Variants in MCF2L2 observed in about 807,000 individuals in gnomAD.
MCF2L2 encodes MCF.2 cell line derived transforming sequence-like 2.
A neutral mutation model predicts 150.2 loss-of-function variants in MCF2L2; 102 were observed. The observed-to-expected ratio is 0.68, with a 90% CI of 0.58 to 0.80. The LOEUF (loss-of-function observed/expected upper bound fraction) is 0.80, where lower values mean the gene tolerates loss of function less well. Ranked by LOEUF, MCF2L2 falls within the 30% of genes least tolerant of loss-of-function variation. The pLI, the probability that MCF2L2 is intolerant of heterozygous loss-of-function variation, is 0.00. For missense variants in MCF2L2, 1,256 were observed against 1,372.8 expected, an observed-to-expected ratio of 0.91 and a Z score of 1.34; for synonymous variants, 465 against 491.3, an observed-to-expected ratio of 0.95 and a Z score of 0.71.
intron 15 of MCF2L2, among the ~76,000 whole-genome samples, chr3:183,234,236 A>C (rs1323983084): frequency 1.3e-5 from 2 of 152,226 alleles, no homozygotes; most frequent in African/African-American, 4.8e-5. Context: ...ACTGGGCTTA[A>C]GCAACTTGGC....
intron 25 of MCF2L2, among the ~76,000 whole-genome samples, chr3:183,201,243 T>C (rs1722269886): frequency 6.6e-6 from 1 of 152,246 alleles, no homozygotes; most frequent in Non-Finnish European, 1.5e-5. Context: ...CGATATTGAT[T>C]CTTCCTATCC....
intron 13 of MCF2L2, among the ~76,000 whole-genome samples, chr3:183,292,530 C>G (rs1269416807): frequency 1.3e-5 from 2 of 150,780 alleles, no homozygotes; most frequent in African/African-American, 4.9e-5. Context: ...ATGAAGAACC[C>G]CAGAAATGGT....
intron 1 of MCF2L2, among the ~76,000 whole-genome samples, chr3:183,422,742 AT>A (rs1157680449): frequency 1.3e-5 from 2 of 152,170 alleles, no homozygotes; most frequent in Non-Finnish European, 1.5e-5. Context: ...TATTACCAAG[AT>A]TTAGTAGATT....
At chr3:183,348,562 T>C (rs1428051199) in intron 3 of MCF2L2, among the ~76,000 whole-genome samples, 2 of 151,974 alleles carry the variant, frequency 1.3e-5, no homozygotes, top group African/African-American at 4.8e-5. Context: ...ACTTAAAGTA[T>C]AATAATAAAT....
intron 5 of MCF2L2, among the ~76,000 whole-genome samples, chr3:183,329,291 A>C (rs1480193833): frequency 6.6e-6 from 1 of 152,006 alleles, no homozygotes; most frequent in Non-Finnish European, 1.5e-5. Context: ...CTGCCTCAGC[A>C]ATTCTCCTGC....
chr3:183,354,436 A>C (rs1372678480), intron 3 of MCF2L2, among the ~76,000 whole-genome samples: 1 of 151,998 alleles, frequency 6.6e-6, no homozygotes, highest in Non-Finnish European at 1.5e-5. Flanking sequence ...ATTCTCTCTA[A>C]AGCCTGCTAC....
chr3:183,264,117 CTA>C (rs1725876608), intron 15 of MCF2L2, among the ~76,000 whole-genome samples: 1 of 152,194 alleles, frequency 6.6e-6, no homozygotes, highest in African/African-American at 2.4e-5. Context: ...CCAGAAATTT[CTA>C]TGACTTCCTG....
At chr3:183,412,288 T>TTTG (rs145229144) in intron 1 of MCF2L2, among the ~76,000 whole-genome samples, 54 of 151,566 alleles carry the variant, frequency 3.6e-4, no homozygotes, top group East Asian at 1.6e-3. Flanking sequence ...TGTTTGTTTG[T>TTTG]TTGTTGTTGT....
chr3:183,301,014 C>CAAAAAAA (rs11388183), intron 10 of MCF2L2, among the ~76,000 whole-genome samples: 39 of 65,472 alleles, frequency 6.0e-4, no homozygotes, highest in Non-Finnish European at 1.0e-3. Flanking sequence ...GACTCCATCT[C>CAAAAAAA]AAAAAAAAAA....
chr3:183,269,828 CA>C, intron 15 of MCF2L2: 1 of 1,610,604 alleles, frequency 6.2e-7, no homozygotes, highest in East Asian at 2.2e-5. Context: ...GCAGAAGAGT[CA>C]AAAAATGGCA....
At chr3:183,244,624 G>A (rs1450036759) in intron 15 of MCF2L2, among the ~76,000 whole-genome samples, 3 of 152,118 alleles carry the variant, frequency 2.0e-5, no homozygotes, top group Non-Finnish European at 2.9e-5. Context: ...ACTTAAAGAC[G>A]ATCCAGCTCA....
intron 15 of MCF2L2, among the ~76,000 whole-genome samples, chr3:183,246,716 T>A (rs1403602605): frequency 6.6e-6 from 1 of 152,220 alleles, no homozygotes. Flanking sequence ...GTGGGATTGC[T>A]GGATCATAGG....
chr3:183,198,408 T>C (rs9290753), intron 25 of MCF2L2, among the ~76,000 whole-genome samples: 80,662 of 151,706 alleles, frequency 0.53, 22,094 homozygotes, highest in East Asian at 0.67. Flanking sequence ...AGAAAGGAGA[T>C]TGGTGGTCAC....
chr3:183,258,641 A>AC lies in MCF2L2; in HGVS notation c.1862+18230dup, dbSNP rs536630992. 5.7e-3 allele frequency among the ~76,000 whole-genome samples: 852 copies of AC among 149,934 alleles called. 3 individuals are homozygous for AC. Among genetic ancestry groups the AC allele is most frequent in the Non-Finnish European group, 9.9e-3 (666 of 67,512 alleles). On this transcript the variant is annotated intron_variant, in intron 15 of 29. Transcript: ENST00000328913. ...CTTGGGGAATTAGTCCCAGGACACC[A>AC]CCCCCCCGCCCCTGATATCCATGCA...
Position 183,295,419 on chromosome 3 carries a change from C to G in MCF2L2, c.1556G>C (p.Arg519Thr). The G allele has an allele frequency of 6.2e-7, 1 of 1,614,134 alleles. No homozygotes were observed. The highest frequency in any genetic ancestry group is 8.5e-7 in the Non-Finnish European group (1 of 1,180,016). Residue 519 changes from arginine to threonine, a missense_variant, in exon 13 of 30, where the codon AGG (arginine) becomes ACG (threonine). By Grantham distance (71) the Arg-to-Thr change is moderately conservative (BLOSUM62 -1). Transcript: ENST00000328913. Reference protein sequence around the residue: ...LDDVQEIFHKRQVSLMKLAAK... With the variant: ...LDDVQEIFHKTQVSLMKLAAK... Reference sequence around the variant, plus strand: ...TGCCAGTTTCATCAGACTCACTTGCCTCTTGTGAAATATTTCCTGGACATC... The same window carrying G: ...TGCCAGTTTCATCAGACTCACTTGCGTCTTGTGAAATATTTCCTGGACATC...
chr3:183,233,544 C>T (rs1007232202), intron 15 of MCF2L2, among the ~76,000 whole-genome samples: 5 of 151,710 alleles, frequency 3.3e-5, no homozygotes, highest in East Asian at 1.9e-4. Context: ...CAAAACAAGA[C>T]GTAGACAAGT....
Position 183,401,428 on chromosome 3 carries a change from A to T in MCF2L2, c.77-11649T>A, listed in dbSNP as rs185268710. The stretch of plus-strand genomic sequence containing the variant: ...ACTGGAAGACTTTTTTAAAAAAAAA[A>T]TTTTTTTAAAGGTTTTTAACTTAAT... On this transcript the variant is annotated intron_variant, in intron 1 of 29. Coordinates refer to ENST00000328913, the MANE Select transcript of MCF2L2 (RefSeq NM_015078.4). 3.5e-3 allele frequency among the ~76,000 whole-genome samples: 534 copies of T among 152,270 alleles called. 2 individuals carry two copies. The highest frequency in any genetic ancestry group is 9.3e-3 in the African/African-American group (388 of 41,558).
intron 3 of MCF2L2, among the ~76,000 whole-genome samples, chr3:183,364,847 T>G (rs1712431210): frequency 1.3e-5 from 2 of 152,186 alleles, no homozygotes; most frequent in African/African-American, 4.8e-5. Flanking sequence ...TCATCAGAAA[T>G]GTAAAACTTA....
intron 1 of MCF2L2, among the ~76,000 whole-genome samples, chr3:183,390,173 GC>G: frequency 6.6e-6 from 1 of 152,142 alleles, no homozygotes; most frequent in Non-Finnish European, 1.5e-5. Context: ...AGTTACTAGA[GC>G]TCCTTTCAAA....
Sources: allele counts gnomAD v4.1 joint callset (sites outside exome capture counted in the v4.1 genomes callset), GRCh38; gene constraint gnomAD v4.1.1; transcripts MANE v1.5; gene names NCBI Gene and HGNC (gene_info 2026-07-23, HGNC 2026-07-21).